Variants in ATG16L2 observed in about 807,000 individuals in gnomAD.
The protein encoded by ATG16L2 is autophagy related 16 like 2, also known as protein Atg16l2.
ATG16L2 carries 77 observed loss-of-function variants against 84.7 expected under a neutral mutation model. The ratio of observed to expected loss-of-function variants is 0.91; its 90% CI spans 0.76 to 1.10. The LOEUF (loss-of-function observed/expected upper bound fraction) is 1.10, where lower values mean the gene tolerates loss of function less well. Ranked by LOEUF, ATG16L2 falls within the 50% of genes least tolerant of loss-of-function variation. The probability of loss-of-function intolerance (pLI) is 0.00; values close to 1 mark genes in which losing one functional copy is unlikely to be tolerated. For synonymous variants in ATG16L2, 361 were observed against 342.8 expected (o/e 1.05, Z -0.59); for missense variants, 782 against 817.6 (o/e 0.96, Z 0.53).
intron 14 of ATG16L2, among the ~76,000 whole-genome samples, chr11:72,828,060 T>G (rs775145140): frequency 3.3e-5 from 5 of 152,168 alleles, no homozygotes; most frequent in Non-Finnish European, 5.9e-5. Context: ...TCCTTCTCTC[T>G]CTCATATTTT....
rs565192203 is a variant in ATG16L2, at chr11:72,828,774, C to A, written c.1668C>A (p.Phe556Leu). 1 of 1,614,188 alleles carries A rather than the reference C, an allele frequency of 6.2e-7. No individual in the cohort carries two copies. The highest frequency in any genetic ancestry group is 8.5e-7 in the Non-Finnish European group (1 of 1,180,036). ...KCGSDWTKAV[F>L]SPDRSYALAG... is the part of the protein sequence containing the mutation. ...GTTCTGACTGGACCAAAGCTGTGTT[C>A]AGGTATGTCCGTGAGAGCATATGCC... Residue 556 changes from phenylalanine (F) to leucine (L), a missense_variant and splice_region_variant, in exon 16 of 18, where the codon TTC becomes TTA. Phe to Leu is a conservative substitution (Grantham distance 22). Coordinates refer to ENST00000321297, the MANE Select transcript of ATG16L2 (RefSeq NM_033388.2).
chr11:72,817,843 G>T lies in ATG16L2; in HGVS notation c.306G>T (p.Leu102=). Residue 102 remains leucine (L), a synonymous_variant, in exon 3 of 18, where the codon CTG becomes CTT. Coordinates refer to ENST00000321297, the MANE Select transcript of ATG16L2 (RefSeq NM_033388.2). ...KWQEEEEGLR[L]VCGEMAYQVV... ...AGGAGGAGGAGGAGGGGCTCCGGCTGGTCTGTGGTGAGGTAAGTTGGGAAG... is the reference window on the plus strand; with the variant it reads ...AGGAGGAGGAGGAGGGGCTCCGGCTTGTCTGTGGTGAGGTAAGTTGGGAAG... 1 of 1,610,740 alleles carries T rather than the reference G, an allele frequency of 6.2e-7. No homozygotes were observed. Among genetic ancestry groups the T allele is most frequent in the Non-Finnish European group, 8.5e-7 (1 of 1,179,886 alleles).
chr11:72,824,481 C>A (rs1239906382), intron 8 of ATG16L2: 3 of 566,800 alleles, frequency 5.3e-6, no homozygotes, highest in Non-Finnish European at 9.5e-6. Flanking sequence ...GATTGAAACC[C>A]CGGCCCTGAG....
In ATG16L2 at chr11:72,822,272, C is replaced by T; in HGVS notation, c.621C>T (p.Asn207=). The T allele has an allele frequency of 6.6e-7, 1 of 1,507,182 alleles. No individual in the cohort carries two copies. 93.4% of individuals were successfully genotyped at this position (1,507,182 alleles called of 1,614,324 possible). Residue 207 remains asparagine, a synonymous_variant, in exon 5 of 18, where the codon AAC becomes AAT. Transcript: ENST00000321297. The surrounding 1 kb of genome is among the most constrained non-coding windows in gnomAD (Gnocchi z 4.2). Reference sequence around the variant, plus strand: ...AGGCGCGCGCCGCGGCCGAGCGCAACCTGCGCAACGAGCGCCGGGAGCGGT... The same window carrying T: ...AGGCGCGCGCCGCGGCCGAGCGCAATCTGCGCAACGAGCGCCGGGAGCGGT... The part of the protein sequence containing the change: ...QRKARAAAER[N]LRNERRERAK...
chr11:72,822,976 G>A lies in ATG16L2; in HGVS notation c.824+15G>A, dbSNP rs777416264. The A allele has an allele frequency of 1.0e-4, 156 of 1,532,404 alleles. No individual in the cohort carries two copies. The highest frequency in any genetic ancestry group is 1.3e-4 in the Non-Finnish European group (148 of 1,129,708). The allele number at this position is 1,532,404 out of a possible 1,614,324, so 94.9% of individuals were successfully genotyped here. A position where few individuals can be genotyped will look rare whatever the true frequency, so the allele number is the denominator to read the frequency against. ...AGGCCCTTCAGGTGAGGACCCAGGT[G>A]ACAGTCTCAGAGCTCTGAGCTGAGC... On this transcript the variant is annotated intron_variant, in intron 7 of 17. Transcript: ENST00000321297. This position sits in a 1 kb window ranked among gnomAD's most constrained non-coding sequence, Gnocchi z 4.2.
intron 5 of ATG16L2, chr11:72,841,006 A>C: frequency 7.1e-7 from 1 of 1,406,282 alleles, no homozygotes; most frequent in Non-Finnish European, 1.0e-6. Flanking sequence ...GTTGTTGAGC[A>C]ATAATGCTGA....
chr11:72,816,915 G>C, intron 2 of ATG16L2, 88 bp downstream of exon 2: 1 of 1,129,222 alleles, frequency 8.9e-7, no homozygotes, highest in African/African-American at 1.5e-5. Context: ...TCTCTCCCTA[G>C]TGCCTCATCA....
Position 72,814,537 on chromosome 11 carries a change from C to T in ATG16L2, c.92C>T (p.Ala31Val). 6.3e-7 allele frequency: 1 copy of T among 1,577,034 alleles called. No homozygotes were observed. The part of the protein sequence containing the change: ...QLRLRDRTQK[A>V]LFLELVPAYN... The stretch of plus-strand genomic sequence containing the variant: ...CGGCTTCGGGACCGTACGCAAAAGG[C>T]GCTTTTCCTGGAGCTGGTGCCGGCC... Residue 31 changes from alanine (A) to valine (V), a missense_variant, in exon 1 of 18, where the codon GCG becomes GTG. Coordinates refer to ENST00000321297, the MANE Select transcript of ATG16L2 (RefSeq NM_033388.2).
intron 5 of ATG16L2, chr11:72,838,726 A>C: frequency 1.4e-6 from 2 of 1,409,114 alleles, no homozygotes; most frequent in Non-Finnish European, 9.8e-7. Flanking sequence ...GTGCCTAAAA[A>C]ACAAGACTGG....
In ATG16L2 at chr11:72,828,352, TC is replaced by T; in HGVS notation, c.1473-5del. ...TCCTCATCCCTGTCTCTGTCCTTGT[TC>T]CTCAGGGGGCCCCACTGCACCCAGG... On this transcript the variant is annotated splice_polypyrimidine_tract_variant and splice_region_variant and intron_variant, in intron 14 of 17. Coordinates refer to ENST00000321297, the MANE Select transcript of ATG16L2 (RefSeq NM_033388.2). 1.2e-6 allele frequency: 2 copies of T among 1,613,998 alleles called. No homozygotes were observed. The highest frequency in any genetic ancestry group is 1.7e-6 in the Non-Finnish European group (2 of 1,179,924).
chr11:72,814,589 A>T (rs1565256886), intron 1 of ATG16L2, 26 bp downstream of exon 1: 1 of 1,528,588 alleles, frequency 6.5e-7, no homozygotes, highest in Non-Finnish European at 8.9e-7. Context: ...TGCTGAGAGG[A>T]TGGCGGCTGA....
At position 72,824,155 on chromosome 11, in the gene ATG16L2, G is replaced by A. The variant is rs199982763; in HGVS notation, c.887+33G>A. Reference sequence around the variant, plus strand: ...TGTGTGTGCCTGTGTGTGCACCCACGTGTGTGTCGGGCTCCCCAGCCCAGG... The same window carrying A: ...TGTGTGTGCCTGTGTGTGCACCCACATGTGTGTCGGGCTCCCCAGCCCAGG... On this transcript the variant is annotated intron_variant, in intron 8 of 17. Coordinates refer to ENST00000321297, the MANE Select transcript of ATG16L2 (RefSeq NM_033388.2). 1.4e-4 allele frequency: 220 copies of A among 1,613,502 alleles called. 1 individual carries two copies. The highest frequency in any genetic ancestry group is 6.2e-4 in the East Asian group (28 of 44,856).
chr11:72,836,366 A>G (rs1276078608), intron 5 of ATG16L2, among the ~76,000 whole-genome samples: 1 of 152,230 alleles, frequency 6.6e-6, no homozygotes, highest in African/African-American at 2.4e-5. Flanking sequence ...CAGTGGTCAC[A>G]TCCGGCAAGG....
At chr11:72,841,739 C>T (rs936732317) in intron 5 of ATG16L2, among the ~76,000 whole-genome samples, 2 of 152,158 alleles carry the variant, frequency 1.3e-5, no homozygotes, top group African/African-American at 4.8e-5. Flanking sequence ...ATTAAATAAC[C>T]ACCTCAAGCT....
chr11:72,821,704 G>T lies in ATG16L2; in HGVS notation c.355G>T (p.Gly119Cys). 1 of 1,537,736 alleles carries T rather than the reference G, an allele frequency of 6.5e-7. No individual in the cohort carries two copies. The change falls in exon 4 of 18, where the codon GGC becomes TGC. Residue 119 changes from glycine to cysteine, a missense_variant. Physicochemically the swap from Gly to Cys is radical, Grantham distance 159. Transcript: ENST00000321297. ...YQVVEKGAAL[G>C]TLESELQQRQ... ...GGTGGTGGAGAAGGGCGCGGCCCTG[G>T]GCACGCTGGAGTCGGAGCTGCAGCA... is the stretch of plus-strand genomic sequence containing the variant.
chr11:72,832,092 T>C (rs751172587), downstream of ATG16L2, among the ~76,000 whole-genome samples: 9 of 152,206 alleles, frequency 5.9e-5, no homozygotes, highest in Non-Finnish European at 1.0e-4. Context: ...GTGAGGGACA[T>C]GCAGGGACAC....
At position 72,822,691 on chromosome 11, in the gene ATG16L2, C is replaced by T. The variant is rs1368477569; in HGVS notation, c.710+148C>T. The T allele has an allele frequency of 1.4e-5, 16 of 1,158,054 alleles. No individual in the cohort carries two copies. Among genetic ancestry groups the T allele is most frequent in the Admixed American group, 2.7e-5 (1 of 36,896 alleles). 71.7% of individuals were successfully genotyped at this position (1,158,054 alleles called of 1,614,324 possible). A position where few individuals can be genotyped will look rare whatever the true frequency, so the allele number is the denominator to read the frequency against. On this transcript the variant is annotated intron_variant, in intron 6 of 17. Coordinates refer to ENST00000321297, the MANE Select transcript of ATG16L2 (RefSeq NM_033388.2). The surrounding 1 kb of genome is among the most constrained non-coding windows in gnomAD (Gnocchi z 4.2). The stretch of plus-strand genomic sequence containing the variant: ...AGCCCACGAGACACCTGCAGAGGAC[C>T]GTGTGGTCGTAGGAGCCTGCATGCG...
chr11:72,833,179 AC>A, downstream of ATG16L2, among the ~76,000 whole-genome samples: 1 of 152,150 alleles, frequency 6.6e-6, no homozygotes, highest in Non-Finnish European at 1.5e-5. Flanking sequence ...GGCTCCAGAG[AC>A]CTGAACACTA....
exon 6 of ATG16L2, chr11:72,843,209 C>T (rs770593555): frequency 2.4e-5 from 38 of 1,613,838 alleles, no homozygotes; most frequent in Non-Finnish European, 2.8e-5. Flanking sequence ...AATTGCTGGA[C>T]GTGTGTGACC....
Sources: allele counts gnomAD v4.1 joint callset (sites outside exome capture counted in the v4.1 genomes callset), GRCh38; gene constraint gnomAD v4.1.1; non-coding constraint Gnocchi (gnomAD v3.1); transcripts MANE v1.5; gene names NCBI Gene and HGNC (gene_info 2026-07-23, HGNC 2026-07-21).